STXBP5L: variants seen among roughly 807,000 people sequenced by gnomAD.
The protein encoded by STXBP5L is syntaxin binding protein 5L, also known as syntaxin-binding protein 5-like.
STXBP5L carries 65 observed loss-of-function variants against 144.5 expected under a neutral mutation model. The observed-to-expected ratio is 0.45, with a 90% CI of 0.37 to 0.55. STXBP5L has a LOEUF of 0.55. STXBP5L is among the 20% of genes least tolerant of loss of function. The pLI is 0.00. For synonymous variants in STXBP5L, 505 were observed against 469.6 expected (o/e 1.08, Z -0.97); for missense variants, 1,298 against 1,405.5 (o/e 0.92, Z 1.22).
At chr3:121,117,107 G>T (rs1388028257) in intron 6 of STXBP5L, among the ~76,000 whole-genome samples, 3 of 151,740 alleles carry the variant, frequency 2.0e-5, no homozygotes, top group African/African-American at 7.2e-5. Context: ...ATTTTAATGT[G>T]TTTATATAGT....
intron 5 of STXBP5L, among the ~76,000 whole-genome samples, chr3:121,062,098 G>A (rs1358793701): frequency 6.6e-6 from 1 of 152,192 alleles, no homozygotes; most frequent in Non-Finnish European, 1.5e-5. Flanking sequence ...TGCAGGTGCT[G>A]GTACCAGTTG....
intron 13 of STXBP5L, 113 bp downstream of exon 13, chr3:121,239,231 T>G: frequency 1.7e-6 from 1 of 581,828 alleles, no homozygotes; most frequent in Non-Finnish European, 2.8e-6. Flanking sequence ...TAAATTCTTT[T>G]TAAGTTATAA....
At chr3:121,052,946 C>G (rs1360539653) in intron 5 of STXBP5L, among the ~76,000 whole-genome samples, 1 of 152,122 alleles carries the variant, frequency 6.6e-6, no homozygotes, top group Non-Finnish European at 1.5e-5. Flanking sequence ...TTCTTATACA[C>G]AAATAACAGA....
At chr3:120,928,288 A>T (rs1177976403) in intron 2 of STXBP5L, among the ~76,000 whole-genome samples, 1 of 151,690 alleles carries the variant, frequency 6.6e-6, no homozygotes, top group African/African-American at 2.4e-5. Flanking sequence ...CCTGAGATGG[A>T]GTCTCACTCT....
chr3:120,922,190 T>C (rs1709392451), intron 2 of STXBP5L, among the ~76,000 whole-genome samples: 1 of 151,930 alleles, frequency 6.6e-6, no homozygotes, highest in Non-Finnish European at 1.5e-5. Flanking sequence ...AATTTATTCA[T>C]AGGTATTCAT....
chr3:121,103,810 TA>T (rs1294254125), intron 5 of STXBP5L, among the ~76,000 whole-genome samples: 7 of 152,212 alleles, frequency 4.6e-5, no homozygotes, highest in Admixed American at 1.3e-4. Context: ...ATTAGGTGAT[TA>T]TTTTAAGAAC....
At chr3:120,935,802 C>T (rs889629574) in intron 2 of STXBP5L, among the ~76,000 whole-genome samples, 43 of 151,702 alleles carry the variant, frequency 2.8e-4, no homozygotes, top group African/African-American at 9.7e-4. Context: ...AGATTTTTCT[C>T]TTTGTCTTTG....
At chr3:121,233,130 T>G (rs1202736162) in intron 11 of STXBP5L, among the ~76,000 whole-genome samples, 1 of 152,184 alleles carries the variant, frequency 6.6e-6, no homozygotes, top group East Asian at 1.9e-4. Flanking sequence ...AACCTATAAA[T>G]ATATTTCAAA....
intron 7 of STXBP5L, among the ~76,000 whole-genome samples, chr3:121,122,220 TATTA>T (rs199805488): frequency 0.035 from 5,305 of 150,038 alleles, 141 homozygotes; most frequent in Middle Eastern, 0.085. Context: ...ATATTTTTAA[TATTA>T]ATTAATTAAT....
intron 5 of STXBP5L, among the ~76,000 whole-genome samples, chr3:121,095,400 C>G (rs2043063896): frequency 6.6e-6 from 1 of 152,180 alleles, no homozygotes; most frequent in African/African-American, 2.4e-5. Context: ...TGGTTCCATG[C>G]TCCCCGTCAC....
intron 3 of STXBP5L, among the ~76,000 whole-genome samples, chr3:120,966,127 A>G (rs1426747768): frequency 1.3e-5 from 2 of 152,188 alleles, no homozygotes; most frequent in African/African-American, 4.8e-5. Context: ...TTTCAGCTCC[A>G]TCAGGTCATT....
At chr3:121,210,883 C>G (rs2048535774) in intron 10 of STXBP5L, among the ~76,000 whole-genome samples, 1 of 152,104 alleles carries the variant, frequency 6.6e-6, no homozygotes, top group Non-Finnish European at 1.5e-5. Flanking sequence ...CAGCTTTGTT[C>G]TTTTGGCTTA....
intron 5 of STXBP5L, among the ~76,000 whole-genome samples, chr3:121,067,786 G>A (rs929717160): frequency 6.6e-6 from 1 of 151,762 alleles, no homozygotes; most frequent in African/African-American, 2.4e-5. Flanking sequence ...CTAAGTTGTT[G>A]GATGTATACA....
At chr3:121,240,644 C>A in intron 14 of STXBP5L, 137 bp downstream of exon 14, 2 of 715,634 alleles carry the variant, frequency 2.8e-6, no homozygotes, top group South Asian at 2.0e-5. Context: ...AGCTTCTACC[C>A]AAAGATTCTC....
intron 2 of STXBP5L, 69 bp from the exon 3 acceptor site, chr3:120,954,871 A>T: frequency 1.6e-6 from 2 of 1,284,036 alleles, no homozygotes; most frequent in Non-Finnish European, 2.2e-6. Context: ...TGGTGGCTAT[A>T]TAATGGTATC....
At chr3:121,393,595 A>G (rs2046650986) in intron 22 of STXBP5L, among the ~76,000 whole-genome samples, 1 of 152,026 alleles carries the variant, frequency 6.6e-6, no homozygotes, top group Admixed American at 6.5e-5. Flanking sequence ...ATTCACCTTG[A>G]GTTACTTTTT....
At chr3:121,313,129 A>G (rs1181975101) in intron 19 of STXBP5L, among the ~76,000 whole-genome samples, 150 of 121,362 alleles carry the variant, frequency 1.2e-3, no homozygotes, top group African/African-American at 3.9e-3. Context: ...GCGGCTGGCC[A>G]GGCAGAGGGG....
chr3:121,209,846 G>T (rs1367077374), intron 10 of STXBP5L, among the ~76,000 whole-genome samples: 5 of 152,176 alleles, frequency 3.3e-5, no homozygotes, highest in African/African-American at 1.2e-4. Flanking sequence ...TGGACATTTG[G>T]GTTGGCTCCA....
At chr3:120,992,586 A>G (rs1943010507) in intron 3 of STXBP5L, among the ~76,000 whole-genome samples, 1 of 152,122 alleles carries the variant, frequency 6.6e-6, no homozygotes, top group South Asian at 2.1e-4. Flanking sequence ...TTTACTTAAC[A>G]TGATGGACGT....
Sources: allele counts gnomAD v4.1 joint callset (sites outside exome capture counted in the v4.1 genomes callset), GRCh38; gene constraint gnomAD v4.1.1; transcripts MANE v1.5; gene names NCBI Gene and HGNC (gene_info 2026-07-23, HGNC 2026-07-21).